Variants in SRFBP1 observed in about 807,000 individuals in gnomAD.
The protein encoded by SRFBP1 is serum response factor binding protein 1.
Under a neutral mutation model 45.5 loss-of-function variants are expected in SRFBP1, and 47 were observed. The observed-to-expected ratio is 1.03, with a 90% confidence interval of 0.82 to 1.32. The LOEUF (loss-of-function observed/expected upper bound fraction) is 1.32. Among genes scored for constraint, SRFBP1 ranks in the 40% most tolerant of loss-of-function variants. The probability of loss-of-function intolerance (pLI) is 0.00; values close to 1 mark genes in which losing one functional copy is unlikely to be tolerated. For missense variants in SRFBP1, 621 were observed against 484.6 expected (o/e 1.28, Z -2.64); for synonymous variants, 203 against 166.3 (o/e 1.22, Z -1.70).
At chr5:121,989,137 C>G (rs1041468852) in intron 3 of SRFBP1, among the ~76,000 whole-genome samples, 3 of 152,066 alleles carry the variant, frequency 2.0e-5, no homozygotes, top group African/African-American at 7.2e-5. Flanking sequence ...GATCTCGGCT[C>G]ACTGCAACCT....
chr5:122,040,950 A>T (rs1753762992), intron 2 of SRFBP1, among the ~76,000 whole-genome samples: 1 of 152,134 alleles, frequency 6.6e-6, no homozygotes. Context: ...ATCACCTAAC[A>T]TATATAAGTT....
At chr5:121,964,690 A>T (rs1230949593) in intron 1 of SRFBP1, among the ~76,000 whole-genome samples, 1 of 152,054 alleles carries the variant, frequency 6.6e-6, no homozygotes, top group Non-Finnish European at 1.5e-5. Context: ...ATGATTTATA[A>T]TCCTTAGGTA....
chr5:122,076,999 G>T (rs758722282), downstream of SRFBP1: 4 of 1,613,126 alleles, frequency 2.5e-6, no homozygotes, highest in South Asian at 4.4e-5. Context: ...AGGTCTGGGA[G>T]ACCTAAACGT....
intron 2 of SRFBP1, among the ~76,000 whole-genome samples, chr5:122,048,617 A>G (rs145991920): frequency 0.011 from 1,715 of 152,300 alleles, 31 homozygotes; most frequent in East Asian, 0.053. Flanking sequence ...TTCAGAAGGA[A>G]TGGTACCAGC....
At chr5:122,015,606 T>A (rs937438638) in intron 4 of SRFBP1, among the ~76,000 whole-genome samples, 3 of 152,228 alleles carry the variant, frequency 2.0e-5, no homozygotes, top group African/African-American at 7.2e-5. Flanking sequence ...GACTTTGGCT[T>A]TGTTCCATAA....
At chr5:122,014,125 A>G (rs1055658359) in intron 4 of SRFBP1, among the ~76,000 whole-genome samples, 11 of 152,198 alleles carry the variant, frequency 7.2e-5, no homozygotes, top group African/African-American at 1.4e-4. Flanking sequence ...GCATGTGTCA[A>G]TATCACTTTG....
chr5:122,000,112 T>A (rs968413074), intron 4 of SRFBP1, among the ~76,000 whole-genome samples: 4 of 152,070 alleles, frequency 2.6e-5, no homozygotes, highest in Non-Finnish European at 5.9e-5. Context: ...TTTTTAGTGT[T>A]CACTCTACAG....
chr5:122,025,913 C>G (rs1406753480), intron 7 of SRFBP1, among the ~76,000 whole-genome samples: 1 of 152,036 alleles, frequency 6.6e-6, no homozygotes, highest in Non-Finnish European at 1.5e-5. Context: ...TCAGCCTGAC[C>G]AATATGTCTC....
At chr5:122,049,341 A>G (rs988783873) in intron 2 of SRFBP1, among the ~76,000 whole-genome samples, 58 of 152,304 alleles carry the variant, frequency 3.8e-4, no homozygotes, top group Admixed American at 1.2e-3. Flanking sequence ...CTAAATATGT[A>G]TGCACCCAAT....
downstream of SRFBP1, among the ~76,000 whole-genome samples, chr5:122,029,168 T>TGG (rs1323746583): frequency 1.3e-5 from 2 of 152,126 alleles, no homozygotes; most frequent in Non-Finnish European, 2.9e-5. Flanking sequence ...GATATAGGCC[T>TGG]GGGATGCTGC....
At chr5:122,030,915 A>AT (rs1377959400), downstream of SRFBP1, among the ~76,000 whole-genome samples, 1 of 152,156 alleles carries the variant, frequency 6.6e-6, no homozygotes, top group East Asian at 1.9e-4. Context: ...GTTATGACAT[A>AT]TTTTTTTGGA....
chr5:122,015,695 A>T (rs1196458151), intron 4 of SRFBP1, among the ~76,000 whole-genome samples: 3 of 152,244 alleles, frequency 2.0e-5, no homozygotes. Context: ...CCTGGTTTTG[A>T]AAATCAAATA....
intron 3 of SRFBP1, among the ~76,000 whole-genome samples, chr5:121,980,954 C>T (rs570814066): frequency 2.4e-4 from 36 of 152,206 alleles, no homozygotes; most frequent in Admixed American, 7.9e-4. Flanking sequence ...TGTTTCTAAA[C>T]CATGCTGATT....
At chr5:122,040,573 G>GCT (rs147948865) in intron 2 of SRFBP1, among the ~76,000 whole-genome samples, 2 of 152,100 alleles carry the variant, frequency 1.3e-5, no homozygotes, top group Non-Finnish European at 2.9e-5. Flanking sequence ...GCTTAGCTTT[G>GCT]CTCTCTCTAT....
At chr5:122,005,617 G>A (rs1276722068) in intron 4 of SRFBP1, among the ~76,000 whole-genome samples, 1 of 152,062 alleles carries the variant, frequency 6.6e-6, no homozygotes, top group Non-Finnish European at 1.5e-5. Context: ...GCCACTATGT[G>A]TTATGATTGG....
intron 4 of SRFBP1, among the ~76,000 whole-genome samples, chr5:122,017,019 A>T (rs1753205415): frequency 6.6e-6 from 1 of 152,174 alleles, no homozygotes; most frequent in Non-Finnish European, 1.5e-5. Flanking sequence ...TCACAAGGTC[A>T]GGAGTTCGAC....
chr5:121,970,473 A>G (rs1243369443), intron 1 of SRFBP1, among the ~76,000 whole-genome samples: 1 of 151,904 alleles, frequency 6.6e-6, no homozygotes. Flanking sequence ...AGTTTATTTT[A>G]TGAATAACTT....
intron 4 of SRFBP1, among the ~76,000 whole-genome samples, chr5:122,001,244 G>T (rs1298362785): frequency 6.6e-6 from 1 of 151,406 alleles, no homozygotes; most frequent in Non-Finnish European, 1.5e-5. Flanking sequence ...AAAAGTTTGT[G>T]TAATGTTAAG....
At chr5:121,986,906 T>C (rs116772814) in intron 3 of SRFBP1, among the ~76,000 whole-genome samples, 2,485 of 152,264 alleles carry the variant, frequency 0.016, 41 homozygotes, top group Non-Finnish European at 0.022. Context: ...AGAAAATTTA[T>C]TCAGGTGATT....
Sources: allele counts gnomAD v4.1 joint callset (sites outside exome capture counted in the v4.1 genomes callset), GRCh38; gene constraint gnomAD v4.1.1; transcripts MANE v1.5; gene names NCBI Gene and HGNC (gene_info 2026-07-23, HGNC 2026-07-21).